CACNA1I: variants seen among roughly 807,000 people sequenced by gnomAD.
CACNA1I encodes the protein calcium voltage-gated channel subunit alpha1 I, also known as voltage-dependent T-type calcium channel subunit alpha-1I.
Under a neutral mutation model 201.6 loss-of-function variants are expected in CACNA1I, and 74 were observed. That is an observed-to-expected ratio of 0.37 (90% CI 0.30 to 0.45). The LOEUF is 0.45. Among genes scored for constraint, CACNA1I ranks in the 20% least tolerant of loss-of-function variants. The pLI is 1.00. For missense variants in CACNA1I, 2,346 were observed against 3,138.1 expected, an observed-to-expected ratio of 0.75 and a Z score of 6.03; for synonymous variants, 1,431 against 1,345.2, an observed-to-expected ratio of 1.06 and a Z score of -1.40.
At chr22:39,615,713 A>G (rs1253638062) in intron 3 of CACNA1I, among the ~76,000 whole-genome samples, 1 of 152,096 alleles carries the variant, frequency 6.6e-6, no homozygotes, top group East Asian at 1.9e-4. Flanking sequence ...CTGTGCAGCT[A>G]CTATGTTTCT....
Position 39,660,331 on chromosome 22 carries a change from G to T in CACNA1I, c.2605-13G>T, listed in dbSNP as rs1194373407. 6.2e-7 allele frequency: 1 copy of T among 1,606,652 alleles called. No individual in the cohort carries two copies. Among genetic ancestry groups the T allele is most frequent in the Admixed American group, 1.7e-5 (1 of 59,754 alleles). ...GACTGACCTGCATTCTAACGTGACG[G>T]ATGCTCTCCCAGGGTGACGCCAATC... On this transcript the variant is annotated splice_polypyrimidine_tract_variant and intron_variant, in intron 14 of 36. Coordinates refer to ENST00000402142, the MANE Select transcript of CACNA1I (RefSeq NM_021096.4).
chr22:39,672,178 C>G (rs901692956), intron 26 of CACNA1I, 21 bp from the exon 27 acceptor site: 1 of 1,521,948 alleles, frequency 6.6e-7, no homozygotes, highest in South Asian at 1.1e-5. Context: ...CTGGATCATG[C>G]TTCTCTTTGT....
At chr22:39,608,538 G>T (rs1933288619) in intron 3 of CACNA1I, among the ~76,000 whole-genome samples, 1 of 152,066 alleles carries the variant, frequency 6.6e-6, no homozygotes, top group South Asian at 2.1e-4. Context: ...GGAGAGGCTG[G>T]GTTAGGACTT....
Position 39,664,080 on chromosome 22 carries a change from G to C in CACNA1I, c.3598-11G>C. Reference sequence around the variant, plus strand: ...AGCCCCTGAGCCTATGGTATCTCCCGATGCTTTCAGGAACGCATCTTTCTC... The same window carrying C: ...AGCCCCTGAGCCTATGGTATCTCCCCATGCTTTCAGGAACGCATCTTTCTC... On this transcript the variant is annotated splice_polypyrimidine_tract_variant and intron_variant, in intron 19 of 36. Transcript: ENST00000402142. 1 of 1,613,102 alleles carries C rather than the reference G, an allele frequency of 6.2e-7. No individual in the cohort carries two copies. The highest frequency in any genetic ancestry group is 8.5e-7 in the Non-Finnish European group (1 of 1,179,336).
chr22:39,638,357 A>G (rs1569074579), intron 5 of CACNA1I, among the ~76,000 whole-genome samples: 2 of 152,228 alleles, frequency 1.3e-5, no homozygotes, highest in Non-Finnish European at 2.9e-5. Flanking sequence ...TATGAGACTC[A>G]GGTGACCATA....
Position 39,646,814 on chromosome 22 carries a change from G to C in CACNA1I, c.1395G>C (p.Gln465His), listed in dbSNP as rs1934507186. Reference sequence around the variant, plus strand: ...ACCAGGCCCTGCAGAGCCGGCGCCAGGCCCTGGGCCCGGAGGCCCCGGCCC... The same window carrying C: ...ACCAGGCCCTGCAGAGCCGGCGCCACGCCCTGGGCCCGGAGGCCCCGGCCC... ...GLYQALQSRRQALGPEAPAPA... is the reference protein window; with the variant it reads ...GLYQALQSRRHALGPEAPAPA... Residue 465 changes from glutamine (Q) to histidine (H), a missense_variant, in exon 8 of 37, where the codon CAG becomes CAC. This residue lies in a region of CACNA1I where 312 missense variants were observed against 331.5 expected (regional missense o/e 0.94). Coordinates refer to ENST00000402142, the MANE Select transcript of CACNA1I (RefSeq NM_021096.4). 2 of 1,548,370 alleles carry C rather than the reference G, an allele frequency of 1.3e-6. No homozygotes were observed. Among genetic ancestry groups the C allele is most frequent in the Non-Finnish European group, 8.7e-7 (1 of 1,146,434 alleles).
In CACNA1I at chr22:39,686,481, C is replaced by A; in HGVS notation, c.*76C>A. ...TACCTCAGGAGCCAGGAGCAGACAG[C>A]AATACTTCGTCCACACCTGGGATCG... is the stretch of plus-strand genomic sequence containing the variant. On this transcript the variant is annotated 3_prime_UTR_variant, in exon 37 of 37. Coordinates refer to ENST00000402142, the MANE Select transcript of CACNA1I (RefSeq NM_021096.4). The A allele has an allele frequency of 9.4e-7, 1 of 1,065,790 alleles. No homozygotes were observed. The highest frequency in any genetic ancestry group is 1.2e-6 in the Non-Finnish European group (1 of 840,704). 66.0% of individuals were successfully genotyped at this position (1,065,790 alleles called of 1,614,324 possible).
At chr22:39,572,716 C>T (rs541705217) in intron 1 of CACNA1I, among the ~76,000 whole-genome samples, 1 of 152,024 alleles carries the variant, frequency 6.6e-6, no homozygotes, top group South Asian at 2.1e-4. Context: ...GGTGTCTGTC[C>T]CAGGGAGTGC....
chr22:39,636,486 C>T (rs937329731), intron 5 of CACNA1I, among the ~76,000 whole-genome samples: 1 of 152,214 alleles, frequency 6.6e-6, no homozygotes, highest in Non-Finnish European at 1.5e-5. Flanking sequence ...AACTCACATG[C>T]CCTATTGGGC....
In CACNA1I at chr22:39,679,802, G is replaced by A. The variant is rs57098460; in HGVS notation, c.5475G>A (p.Ser1825=). The A allele has an allele frequency of 8.8e-4, 1,421 of 1,612,964 alleles. 1 individual carries two copies. Among genetic ancestry groups the A allele is most frequent in the Non-Finnish European group, 1.1e-3 (1,252 of 1,179,582 alleles). Residue 1825 remains serine (S), a synonymous_variant, in exon 33 of 37, where the codon TCG becomes TCA. Transcript: ENST00000402142. ...AGCTGACCATCATCGACAACCTGTC[G>A]GGCTCCATCTTCCACCACTACTCCT... ...EGELTIIDNL[S]GSIFHHYSSP...
intron 24 of CACNA1I, among the ~76,000 whole-genome samples, chr22:39,669,676 G>A (rs1363752252): frequency 2.6e-5 from 4 of 151,692 alleles, no homozygotes. Flanking sequence ...GGATGGGTGG[G>A]TGGATGGATG....
In CACNA1I at chr22:39,583,221, A is replaced by ATTCC. The variant is rs1555901023; in HGVS notation, c.236+12233_236+12234insTTCC. On this transcript the variant is annotated intron_variant, in intron 1 of 36. Coordinates refer to ENST00000402142, the MANE Select transcript of CACNA1I (RefSeq NM_021096.4). ...CAATCCATCCATCCATCCATCCAACAATCCATCCATCCATCCATCCATTCA... is the reference window on the plus strand; with the variant it reads ...CAATCCATCCATCCATCCATCCAACATTCCATCCATCCATCCATCCATCCATTCA... Among the ~76,000 whole-genome samples the ATTCC allele has an allele frequency of 9.8e-4, 111 of 113,532 alleles. 1 individual carries two copies. The East Asian group carries it at 0.024, about 24-fold the overall frequency. The allele number at this position is 113,532 out of a possible 152,430, so 74.5% of individuals were successfully genotyped here.
intron 1 of CACNA1I, among the ~76,000 whole-genome samples, chr22:39,596,649 G>A (rs535344558): frequency 2.0e-5 from 3 of 151,814 alleles, no homozygotes; most frequent in Non-Finnish European, 4.4e-5. Context: ...GCAGGGTTTT[G>A]TGCTGGGGAG....
chr22:39,602,338 G>T (rs915280576), intron 3 of CACNA1I, among the ~76,000 whole-genome samples: 1 of 151,710 alleles, frequency 6.6e-6, no homozygotes, highest in Non-Finnish European at 1.5e-5. Flanking sequence ...GCCTCCCAAA[G>T]TGCTGGGATT....
At chr22:39,669,907 A>T in intron 24 of CACNA1I, 131 bp from the exon 25 acceptor site, 1 of 965,512 alleles carries the variant, frequency 1.0e-6, no homozygotes, top group Non-Finnish European at 1.6e-6. Flanking sequence ...CCTCATTTAG[A>T]CCTCACAGCC....
chr22:39,611,027 A>G (rs1025175725), intron 3 of CACNA1I, among the ~76,000 whole-genome samples: 1 of 152,090 alleles, frequency 6.6e-6, no homozygotes, highest in Non-Finnish European at 1.5e-5. Flanking sequence ...CTGTGCCCCT[A>G]TCACGTGGCT....
At position 39,629,573 on chromosome 22, in the gene CACNA1I, C is replaced by T. The variant is rs531887503; in HGVS notation, c.581-4992C>T. Among the ~76,000 whole-genome samples, 86 of 150,780 alleles carry T rather than the reference C, an allele frequency of 5.7e-4. 2 individuals are homozygous for T. The South Asian group carries it at 0.017, about 30-fold the overall frequency. ...GGCAGGACGGAGAGGAGCAGGGGGA[C>T]GGAAGGCCCAATCATCAGGCCGTGA... On this transcript the variant is annotated intron_variant, in intron 4 of 36. Coordinates refer to ENST00000402142, the MANE Select transcript of CACNA1I (RefSeq NM_021096.4). The surrounding 1 kb of genome is among the most constrained non-coding windows in gnomAD (Gnocchi z 4.8).
chr22:39,678,375 G>A (rs80006973), intron 31 of CACNA1I, among the ~76,000 whole-genome samples: 3,610 of 152,312 alleles, frequency 0.024, 155 homozygotes, highest in African/African-American at 0.082. Flanking sequence ...ACCCAGTTCC[G>A]GAGGGGACCT....
At position 39,658,052 on chromosome 22, in the gene CACNA1I, G is replaced by A. The variant is rs753848554; in HGVS notation, c.1993-100G>A. On this transcript the variant is annotated intron_variant, in intron 10 of 36. Transcript: ENST00000402142. ...GAGACGGAGGTATGGTGAGGACACCGACCTGCCAGGGTCACACAGCCAGGG... is the reference window on the plus strand; with the variant it reads ...GAGACGGAGGTATGGTGAGGACACCAACCTGCCAGGGTCACACAGCCAGGG... 788 of 1,288,374 alleles carry A rather than the reference G, an allele frequency of 6.1e-4. 2 individuals are homozygous for A. The highest frequency in any genetic ancestry group is 8.3e-4 in the Non-Finnish European group (751 of 906,456). The allele number at this position is 1,288,374 out of a possible 1,614,324, so 79.8% of individuals were successfully genotyped here.
Sources: gnomAD v4.1 joint callset for allele counts (sites outside exome capture counted in the v4.1 genomes callset) on GRCh38, gnomAD v4.1.1 for gene constraint, gnomAD v4.1.1 regional missense constraint, Gnocchi (gnomAD v3.1) non-coding constraint, MANE v1.5 for transcripts, NCBI Gene and HGNC (gene_info 2026-07-23, HGNC 2026-07-21) for gene names.